Variants in CNTNAP2 observed in about 807,000 individuals in gnomAD.
The protein encoded by CNTNAP2 is contactin associated protein 2, also known as contactin-associated protein-like 2.
CNTNAP2 carries 98 observed loss-of-function variants against 155.2 expected under a neutral mutation model. The ratio of observed to expected loss-of-function variants is 0.63; its 90% confidence interval spans 0.54 to 0.75. The LOEUF (loss-of-function observed/expected upper bound fraction) is 0.75, where lower values mean the gene tolerates loss of function less well. Among genes scored for constraint, CNTNAP2 ranks in the 30% least tolerant of loss-of-function variants. The pLI is 0.00. For synonymous variants in CNTNAP2, 651 were observed against 631.2 expected (o/e 1.03, Z -0.47); for missense variants, 1,727 against 1,688.1 (o/e 1.02, Z -0.40).
chr7:146,979,675 T>C lies in CNTNAP2; in HGVS notation c.403-64232T>C, dbSNP rs115809298. ...AGCCATAAGTCCAAAAAAATGTTTG[T>C]TGAAGGAAGAAATACTTCTAGTTCC... is the stretch of plus-strand genomic sequence containing the variant. On this transcript the variant is annotated intron_variant, in intron 3 of 23. Coordinates refer to ENST00000361727, the MANE Select transcript of CNTNAP2 (RefSeq NM_014141.6). Among the ~76,000 whole-genome samples the C allele has an allele frequency of 8.5e-3, 1,296 of 152,272 alleles. 20 individuals carry two copies. Among genetic ancestry groups the C allele is most frequent in the African/African-American group, 0.03 (1,239 of 41,556 alleles).
intron 9 of CNTNAP2, among the ~76,000 whole-genome samples, chr7:147,326,392 A>G (rs887990936): frequency 8.5e-5 from 13 of 152,190 alleles, no homozygotes; most frequent in African/African-American, 2.9e-4. Context: ...TCATGGTTGA[A>G]TCGTATTTCA....
intron 10 of CNTNAP2, among the ~76,000 whole-genome samples, chr7:147,476,352 A>G (rs900877558): frequency 2.8e-4 from 43 of 151,272 alleles, no homozygotes; most frequent in African/African-American, 8.0e-4. Flanking sequence ...TGATCCGCCC[A>G]CCTCAGCCTC....
intron 8 of CNTNAP2, among the ~76,000 whole-genome samples, chr7:147,262,530 C>T (rs575649881): frequency 1.3e-5 from 2 of 152,102 alleles, no homozygotes; most frequent in Non-Finnish European, 2.9e-5. Flanking sequence ...CCGGGCCTGG[C>T]GCGGTGGCTC....
chr7:146,802,488 AC>A (rs1168786681), intron 2 of CNTNAP2, among the ~76,000 whole-genome samples: 1 of 152,046 alleles, frequency 6.6e-6, no homozygotes, highest in Non-Finnish European at 1.5e-5. Flanking sequence ...TGGGGGAGGG[AC>A]CTGGTAGGAG....
intron 4 of CNTNAP2, among the ~76,000 whole-genome samples, chr7:147,076,606 T>A (rs970700097): frequency 3.3e-5 from 5 of 152,180 alleles, no homozygotes; most frequent in African/African-American, 1.2e-4. Context: ...TCAAAGCAAT[T>A]TTTAATCTGC....
intron 1 of CNTNAP2, chr7:146,311,832 T>A (rs1342449246): frequency 6.6e-6 from 1 of 151,116 alleles, no homozygotes; most frequent in Middle Eastern, 3.2e-3. Flanking sequence ...AATATATATA[T>A]ATATTAGATT....
At chr7:148,353,653 TCACA>T (rs10700397) in intron 21 of CNTNAP2, among the ~76,000 whole-genome samples, 3 of 150,714 alleles carry the variant, frequency 2.0e-5, no homozygotes, top group South Asian at 2.1e-4. Context: ...GAGTGAGTTT[TCACA>T]CACACACACA....
chr7:146,401,479 A>G (rs185032092), intron 1 of CNTNAP2, among the ~76,000 whole-genome samples: 1 of 152,258 alleles, frequency 6.6e-6, no homozygotes, highest in Non-Finnish European at 1.5e-5. Context: ...CCGGCATAAT[A>G]TTTTGTGATT....
intron 1 of CNTNAP2, among the ~76,000 whole-genome samples, chr7:146,497,604 C>T (rs1797237926): frequency 6.6e-6 from 1 of 151,754 alleles, no homozygotes; most frequent in African/African-American, 2.4e-5. Flanking sequence ...TTTCTCTTCT[C>T]CAACAAAATT....
intron 1 of CNTNAP2, among the ~76,000 whole-genome samples, chr7:146,203,597 A>G (rs1183630208): frequency 2.6e-5 from 4 of 152,110 alleles, no homozygotes; most frequent in Admixed American, 2.6e-4. Context: ...TTCATTACAA[A>G]GGCATGATTG....
At chr7:147,300,318 T>C in intron 9 of CNTNAP2, 28 bp downstream of exon 9, 1 of 1,613,176 alleles carries the variant, frequency 6.2e-7, no homozygotes. Flanking sequence ...TTTTGGTTAC[T>C]AATCCATTGC....
chr7:147,558,506 G>A lies in CNTNAP2; in HGVS notation c.1778-3632G>A, dbSNP rs180736448. ...ATTCTCTACTGAGTCCAAGTCTTTG[G>A]GGTGAAATCCAGGAATTTCTGTTTT... On this transcript the variant is annotated intron_variant, in intron 11 of 23. Coordinates refer to ENST00000361727, the MANE Select transcript of CNTNAP2 (RefSeq NM_014141.6). Among the ~76,000 whole-genome samples, 573 of 152,186 alleles carry A rather than the reference G, an allele frequency of 3.8e-3. 3 individuals carry two copies. Among genetic ancestry groups the A allele is most frequent in the African/African-American group, 0.013 (535 of 41,520 alleles).
intron 22 of CNTNAP2, among the ~76,000 whole-genome samples, chr7:148,400,865 A>T (rs1329164379): frequency 6.6e-6 from 1 of 152,140 alleles, no homozygotes. Flanking sequence ...CTGTAATTTC[A>T]GCTACTCAGG....
chr7:147,849,835 T>C (rs561864988), intron 13 of CNTNAP2: 1 of 152,252 alleles, frequency 6.6e-6, no homozygotes, highest in Non-Finnish European at 1.5e-5. Flanking sequence ...GGCATTGGAA[T>C]GGATGTGCAA....
intron 10 of CNTNAP2, among the ~76,000 whole-genome samples, chr7:147,437,486 C>T (rs1232357137): frequency 2.0e-5 from 3 of 152,018 alleles, no homozygotes; most frequent in Non-Finnish European, 4.4e-5. Flanking sequence ...AGGTTCTTGG[C>T]ATCTTTGTCC....
chr7:146,824,814 T>C (rs1312581889), intron 2 of CNTNAP2, among the ~76,000 whole-genome samples: 1 of 151,858 alleles, frequency 6.6e-6, no homozygotes, highest in Non-Finnish European at 1.5e-5. Context: ...ACTTTTAGGA[T>C]AGTAGAAGCT....
rs1584842004 is a variant in CNTNAP2, at chr7:147,099,452, C to G, written c.551-8695C>G. Among the ~76,000 whole-genome samples the G allele has an allele frequency of 1.3e-5, 2 of 152,090 alleles. 1 individual carries two copies. The highest frequency in any genetic ancestry group is 4.1e-4 in the South Asian group (2 of 4,830). On this transcript the variant is annotated intron_variant, in intron 4 of 23. Transcript: ENST00000361727. Reference sequence around the variant, plus strand: ...GCCATGGCAGCTCCAAGAAATGACACAGGTGGCTGCCATTACCCCTGCTCC... The same window carrying G: ...GCCATGGCAGCTCCAAGAAATGACAGAGGTGGCTGCCATTACCCCTGCTCC...
At chr7:147,721,475 C>A (rs1206535806) in intron 13 of CNTNAP2, among the ~76,000 whole-genome samples, 1 of 151,956 alleles carries the variant, frequency 6.6e-6, no homozygotes, top group East Asian at 1.9e-4. Context: ...GTGGTGTATG[C>A]CTTTTCACTC....
intron 18 of CNTNAP2, among the ~76,000 whole-genome samples, chr7:148,205,371 C>A (rs1363136599): frequency 1.3e-5 from 2 of 152,226 alleles, no homozygotes; most frequent in African/African-American, 4.8e-5. Flanking sequence ...CTCCTCGCAG[C>A]AAACTGTGAA....
Sources: allele counts gnomAD v4.1 joint callset (sites outside exome capture counted in the v4.1 genomes callset), GRCh38; gene constraint gnomAD v4.1.1; transcripts MANE v1.5; gene names NCBI Gene and HGNC (gene_info 2026-07-23, HGNC 2026-07-21).